PIP5K1B: variants seen among roughly 807,000 people sequenced by gnomAD.
PIP5K1B encodes phosphatidylinositol 4-phosphate 5-kinase type-1 beta.
In PIP5K1B, 42 loss-of-function variants were observed where a neutral mutation model predicts 67.0. The observed-to-expected ratio is 0.63, with a 90% CI of 0.49 to 0.81. PIP5K1B has a LOEUF of 0.81. PIP5K1B is among the 30% of genes least tolerant of loss of function. PIP5K1B has a pLI of 0.00. For missense variants in PIP5K1B, 459 were observed against 646.3 expected (o/e 0.71, Z 3.14); for synonymous variants, 214 against 231.4 (o/e 0.92, Z 0.68).
intron 2 of PIP5K1B, among the ~76,000 whole-genome samples, chr9:68,802,747 G>A (rs568373350): frequency 1.4e-3 from 209 of 152,286 alleles, no homozygotes; most frequent in Non-Finnish European, 2.0e-3. Flanking sequence ...AGAGAACCAC[G>A]CATTCTGAGA....
intron 8 of PIP5K1B, among the ~76,000 whole-genome samples, chr9:68,910,581 G>A (rs1205910244): frequency 6.6e-6 from 1 of 152,174 alleles, no homozygotes; most frequent in Non-Finnish European, 1.5e-5. Flanking sequence ...ACAGCAAAAT[G>A]CACTAAGTCA....
chr9:68,885,724 A>G (rs116872487), intron 6 of PIP5K1B, among the ~76,000 whole-genome samples: 3 of 152,192 alleles, frequency 2.0e-5, no homozygotes, highest in African/African-American at 4.8e-5. Context: ...CAAACTGCCT[A>G]TTGGGTACAA....
At chr9:68,817,308 G>A (rs1283513550) in intron 2 of PIP5K1B, among the ~76,000 whole-genome samples, 1 of 152,210 alleles carries the variant, frequency 6.6e-6, no homozygotes, top group Non-Finnish European at 1.5e-5. Context: ...GCACCGGAAA[G>A]AAATGTAGCA....
At chr9:68,783,393 G>A (rs939998482) in intron 2 of PIP5K1B, 1 of 166,866 alleles carries the variant, frequency 6.0e-6, no homozygotes, top group East Asian at 1.9e-4. Context: ...CAAATTGCAC[G>A]TGAGTTTAAG....
rs560381736 is a variant in PIP5K1B, at chr9:68,894,593, G to A, written c.726G>A (p.Thr242=). 26 of 1,614,072 alleles carry A rather than the reference G, an allele frequency of 1.6e-5. No homozygotes were observed. The highest frequency in any genetic ancestry group is 1.4e-4 in the South Asian group (13 of 91,074). Residue 242 remains threonine (T), a synonymous_variant, in exon 8 of 16, where the codon ACG becomes ACA. Coordinates refer to ENST00000265382, the MANE Select transcript of PIP5K1B (RefSeq NM_003558.4). ...TGCACGAAGGGTTGTATTTTGATAC[G>A]GAAACATACAACGCGCTTATGAAAA... The part of the protein sequence containing the change: ...QDMHEGLYFD[T]ETYNALMKTL...
intron 2 of PIP5K1B, among the ~76,000 whole-genome samples, chr9:68,812,020 G>C (rs1337025744): frequency 2.6e-5 from 4 of 152,184 alleles, no homozygotes; most frequent in Non-Finnish European, 5.9e-5. Context: ...CACTGATTTA[G>C]AGAATGGCAA....
intron 2 of PIP5K1B, among the ~76,000 whole-genome samples, chr9:68,794,177 A>C (rs1832158796): frequency 6.6e-6 from 1 of 152,230 alleles, no homozygotes; most frequent in African/African-American, 2.4e-5. Context: ...AGTGGAGTTA[A>C]GATAGAATAC....
chr9:68,989,533 C>G (rs2132946054), intron 14 of PIP5K1B, among the ~76,000 whole-genome samples: 1 of 151,076 alleles, frequency 6.6e-6, no homozygotes, highest in South Asian at 2.1e-4. Context: ...ATATCACACT[C>G]TTCTCCATTT....
chr9:68,720,803 T>G (rs1827846019), intron 1 of PIP5K1B, among the ~76,000 whole-genome samples: 1 of 152,256 alleles, frequency 6.6e-6, no homozygotes, highest in South Asian at 2.1e-4. Context: ...TGCTAGAGAA[T>G]GATTTTGTCA....
At chr9:68,762,433 T>C (rs1440389609) in intron 2 of PIP5K1B, among the ~76,000 whole-genome samples, 1 of 152,134 alleles carries the variant, frequency 6.6e-6, no homozygotes, top group East Asian at 1.9e-4. Context: ...AGTCCACTCT[T>C]GGGTAGATTT....
intron 14 of PIP5K1B, chr9:68,963,914 C>T (rs1238897964): frequency 6.6e-6 from 1 of 152,116 alleles, no homozygotes; most frequent in Admixed American, 6.6e-5. Context: ...TAAATGAAAG[C>T]TTGAGTTCTG....
chr9:68,814,660 A>C (rs1453496606), intron 2 of PIP5K1B, among the ~76,000 whole-genome samples: 1 of 151,916 alleles, frequency 6.6e-6, no homozygotes, highest in African/African-American at 2.4e-5. Flanking sequence ...TCTACAAAAA[A>C]ATTTAAAAAA....
chr9:68,709,487 C>T (rs1197796850), intron 1 of PIP5K1B, among the ~76,000 whole-genome samples: 1 of 152,196 alleles, frequency 6.6e-6, no homozygotes, highest in African/African-American at 2.4e-5. Context: ...CAGGCATCGG[C>T]TTCCCACAGT....
chr9:68,904,354 T>G (rs1825506278), intron 8 of PIP5K1B, among the ~76,000 whole-genome samples: 1 of 151,952 alleles, frequency 6.6e-6, no homozygotes, highest in African/African-American at 2.4e-5. Flanking sequence ...GCTGTAGGAG[T>G]CAGGAAAGGG....
chr9:68,942,064 A>G (rs911906855), intron 14 of PIP5K1B, among the ~76,000 whole-genome samples: 1 of 152,226 alleles, frequency 6.6e-6, no homozygotes, highest in Admixed American at 6.5e-5. Flanking sequence ...CATCTAAACT[A>G]TACAAAGTTA....
chr9:68,876,634 A>G, intron 5 of PIP5K1B, 43 bp from the exon 6 acceptor site: 1 of 1,075,362 alleles, frequency 9.3e-7, no homozygotes, highest in Non-Finnish European at 1.4e-6. Flanking sequence ...GTCCTTGCTA[A>G]TGTGTTCTTT....
At chr9:68,803,504 C>G (rs1255468290) in intron 2 of PIP5K1B, among the ~76,000 whole-genome samples, 1 of 152,306 alleles carries the variant, frequency 6.6e-6, no homozygotes, top group East Asian at 1.9e-4. Flanking sequence ...GGAGGAAAGC[C>G]AGGCATACCA....
intron 15 of PIP5K1B, among the ~76,000 whole-genome samples, chr9:69,002,740 T>C (rs1830878623): frequency 2.0e-5 from 3 of 152,106 alleles, no homozygotes; most frequent in Admixed American, 6.6e-5. Flanking sequence ...CCCAGCACTT[T>C]AGGAGGCCGA....
chr9:68,941,839 A>G (rs1827576063), intron 14 of PIP5K1B, among the ~76,000 whole-genome samples: 1 of 152,204 alleles, frequency 6.6e-6, no homozygotes, highest in Non-Finnish European at 1.5e-5. Flanking sequence ...AAAGTTTGCT[A>G]GTCGGACCTG....
Sources: gnomAD v4.1 joint callset for allele counts (sites outside exome capture counted in the v4.1 genomes callset) on GRCh38, gnomAD v4.1.1 for gene constraint, MANE v1.5 for transcripts, NCBI Gene and HGNC (gene_info 2026-07-23, HGNC 2026-07-21) for gene names.